Variants in LAMC2 observed in about 807,000 individuals in gnomAD.
LAMC2 encodes laminin subunit gamma 2.
In LAMC2, 97 loss-of-function variants were observed where a neutral mutation model predicts 140.2. The observed-to-expected ratio is 0.69, with a 90% confidence interval of 0.59 to 0.82. The LOEUF (loss-of-function observed/expected upper bound fraction) is 0.82, where lower values mean the gene tolerates loss of function less well. Among genes scored for constraint, LAMC2 ranks in the 40% least tolerant of loss-of-function variants. LAMC2 has a pLI of 0.00. For missense variants in LAMC2, 1,402 were observed against 1,476.1 expected, an observed-to-expected ratio of 0.95 and a Z score of 0.82; for synonymous variants, 513 against 540.2, an observed-to-expected ratio of 0.95 and a Z score of 0.70.
chr1:183,209,775 T>A (rs752051672), intron 2 of LAMC2, among the ~76,000 whole-genome samples: 2 of 152,042 alleles, frequency 1.3e-5, no homozygotes, highest in Non-Finnish European at 2.9e-5. Flanking sequence ...AGTCTCAGGG[T>A]AGACCAGGAA....
chr1:183,255,513 A>T, the LAMC2 span, among the ~76,000 whole-genome samples: 2 of 152,172 alleles, frequency 1.3e-5, no homozygotes, highest in African/African-American at 4.8e-5. Flanking sequence ...TTTAGGTAGC[A>T]TGGACATTTT....
chr1:183,211,464 G>A (rs1443417047), intron 2 of LAMC2, among the ~76,000 whole-genome samples: 1 of 152,132 alleles, frequency 6.6e-6, no homozygotes, highest in African/African-American at 2.4e-5. Flanking sequence ...GTTCTCAAAA[G>A]GATGCAAATT....
chr1:183,213,597 C>T (rs775753970), intron 2 of LAMC2, among the ~76,000 whole-genome samples: 7 of 151,282 alleles, frequency 4.6e-5, no homozygotes, highest in East Asian at 3.9e-4. Flanking sequence ...GTCAGGAGTT[C>T]GAGACCAGCC....
rs556172235 is a variant in LAMC2, at chr1:183,234,071, G to A, written c.2221-296G>A. Among the ~76,000 whole-genome samples, 21 of 152,074 alleles carry A rather than the reference G, an allele frequency of 1.4e-4. No homozygotes were observed. The South Asian group carries it at 4.2e-3, about 30-fold the overall frequency. Reference sequence around the variant, plus strand: ...CTGGCTAATTATTGCATTTTTAGAAGGGACGGGGTTTCACCATGTTGGTCA... The same window carrying A: ...CTGGCTAATTATTGCATTTTTAGAAAGGACGGGGTTTCACCATGTTGGTCA... On this transcript the variant is annotated intron_variant, in intron 14 of 22. Coordinates refer to ENST00000264144, the MANE Select transcript of LAMC2 (RefSeq NM_005562.3).
At chr1:183,210,584 C>T (rs1659039784) in intron 2 of LAMC2, among the ~76,000 whole-genome samples, 1 of 151,788 alleles carries the variant, frequency 6.6e-6, no homozygotes, top group Non-Finnish European at 1.5e-5. Flanking sequence ...CTTATTCCCT[C>T]CATATGAAAG....
rs377152346 is a variant in LAMC2 at position 183,228,429 on chromosome 1, T to C, written c.1524T>C (p.His508=). The change falls in exon 11 of 23, where the codon CAT becomes CAC. Residue 508 remains histidine (H), a synonymous_variant. Transcript: ENST00000264144. This position sits in a 1 kb window ranked among gnomAD's most constrained non-coding sequence, Gnocchi z 4.3. ...DGYFGDPFGE[H]GPVRPCQPCQ... Reference sequence around the variant, plus strand: ...ACTTTGGGGACCCCTTTGGTGAACATGGCCCAGTGAGGCCTTGTCAGCCCT... The same window carrying C: ...ACTTTGGGGACCCCTTTGGTGAACACGGCCCAGTGAGGCCTTGTCAGCCCT... The C allele has an allele frequency of 2.5e-6, 4 of 1,613,890 alleles. No homozygotes were observed. The highest frequency in any genetic ancestry group is 2.2e-5 in the East Asian group (1 of 44,880).
At chr1:183,258,800 AACTG>A in the LAMC2 span, among the ~76,000 whole-genome samples, 3 of 151,956 alleles carry the variant, frequency 2.0e-5, no homozygotes, top group Admixed American at 2.0e-4. Flanking sequence ...CCCACCCAGG[AACTG>A]ACTCAGTGCA....
chr1:183,239,598 A>G, intron 20 of LAMC2, 35 bp downstream of exon 20: 1 of 1,522,112 alleles, frequency 6.6e-7, no homozygotes, highest in Non-Finnish European at 9.1e-7. Flanking sequence ...TGGTGCCAGT[A>G]GCACCAAACA....
the LAMC2 span, among the ~76,000 whole-genome samples, chr1:183,258,785 G>A: frequency 4.6e-5 from 7 of 151,722 alleles, no homozygotes; most frequent in South Asian, 2.1e-4. Context: ...TTGAATTTGC[G>A]GCCCCCCACC....
At chr1:183,189,061 G>A (rs546241043) in intron 1 of LAMC2, among the ~76,000 whole-genome samples, 41 of 152,304 alleles carry the variant, frequency 2.7e-4, no homozygotes, top group Admixed American at 9.8e-4. Context: ...GGTGATTACC[G>A]TAATTCAAAT....
chr1:183,224,918 TGGC>T (rs1659582104), intron 7 of LAMC2, among the ~76,000 whole-genome samples: 1 of 152,228 alleles, frequency 6.6e-6, no homozygotes, highest in South Asian at 2.1e-4. Context: ...CTGACTCCCC[TGGC>T]TGGATGTGAT....
At chr1:183,222,289 T>C (rs976844874) in intron 6 of LAMC2, 78 bp downstream of exon 6, 1 of 1,511,160 alleles carries the variant, frequency 6.6e-7, no homozygotes, top group Admixed American at 1.7e-5. Context: ...GAGTTAGAAA[T>C]TGTGGAAACC....
At chr1:183,208,869 T>C (rs7521680) in intron 2 of LAMC2, among the ~76,000 whole-genome samples, 5,429 of 151,932 alleles carry the variant, frequency 0.036, 315 homozygotes, top group African/African-American at 0.12. Flanking sequence ...TTAGTAGAGA[T>C]GGGGTTTCAT....
rs749465052 is a variant in LAMC2 at position 183,228,437 on chromosome 1, T to G, written c.1532T>G (p.Val511Gly). ...FGDPFGEHGP[V>G]RPCQPCQCNN... ...GACCCCTTTGGTGAACATGGCCCAG[T>G]GAGGCCTTGTCAGCCCTGTCAATGC... is the stretch of plus-strand genomic sequence containing the variant. The change falls in exon 11 of 23, where the codon GTG becomes GGG. Residue 511 changes from valine (V) to glycine (G), a missense_variant. By Grantham distance (109) the Val-to-Gly change is moderately radical. Around this residue, in one of 3 missense-constraint regions of LAMC2, gnomAD observed 723 missense variants for 783.3 expected, o/e 0.92. Coordinates refer to ENST00000264144, the MANE Select transcript of LAMC2 (RefSeq NM_005562.3). The surrounding 1 kb of genome is among the most constrained non-coding windows in gnomAD (Gnocchi z 4.3). 6.2e-7 allele frequency: 1 copy of G among 1,613,990 alleles called. No individual in the cohort carries two copies. The highest frequency in any genetic ancestry group is 8.5e-7 in the Non-Finnish European group (1 of 1,179,984).
At position 183,201,897 on chromosome 1, in the gene LAMC2, T is replaced by C. The variant is rs183362614; in HGVS notation, c.80-5984T>C. On this transcript the variant is annotated intron_variant, in intron 1 of 22. Transcript: ENST00000264144. ...ACAGGCAACTGGATTAAAATAAGCA[T>C]CAGTTTCATTAAAAATGGCTAACTT... 1.7e-3 allele frequency among the ~76,000 whole-genome samples: 266 copies of C among 152,312 alleles called. 1 individual carries two copies. The highest frequency in any genetic ancestry group is 6.1e-3 in the African/African-American group (254 of 41,566).
downstream of LAMC2, among the ~76,000 whole-genome samples, chr1:183,246,487 T>C (rs1485236610): frequency 1.3e-5 from 2 of 152,220 alleles, no homozygotes; most frequent in African/African-American, 4.8e-5. Context: ...TATGGTTAAT[T>C]ATGCTGTTGG....
At chr1:183,226,604 A>T in intron 8 of LAMC2, 94 bp from the exon 9 acceptor site, 1 of 1,067,992 alleles carries the variant, frequency 9.4e-7, no homozygotes, top group Non-Finnish European at 1.5e-6. Flanking sequence ...TGTCTTTGTT[A>T]GGGAGTTAAG....
chr1:183,238,147 T>G (rs922324863), intron 18 of LAMC2, among the ~76,000 whole-genome samples, 160 bp from the exon 19 acceptor site: 1 of 152,200 alleles, frequency 6.6e-6, no homozygotes, highest in Non-Finnish European at 1.5e-5. Flanking sequence ...TGTGGACTTA[T>G]AAAGTTTGCT....
At chr1:183,248,029 C>T (rs1331717289), downstream of LAMC2, among the ~76,000 whole-genome samples, 1 of 152,202 alleles carries the variant, frequency 6.6e-6, no homozygotes, top group Non-Finnish European at 1.5e-5. Context: ...GCACAATTTA[C>T]AAATTTGCTA....
Sources: allele counts gnomAD v4.1 joint callset (sites outside exome capture counted in the v4.1 genomes callset), GRCh38; gene constraint gnomAD v4.1.1; regional missense constraint gnomAD v4.1.1; non-coding constraint Gnocchi (gnomAD v3.1); transcripts MANE v1.5; gene names NCBI Gene and HGNC (gene_info 2026-07-23, HGNC 2026-07-21).